The following DLG2 variants were observed in gnomAD, a reference collection of about 807,000 sequenced individuals.
The protein encoded by DLG2 is discs large MAGUK scaffold protein 2.
Under a neutral mutation model 132.5 loss-of-function variants are expected in DLG2, and 45 were observed. That is an observed-to-expected ratio of 0.34 (90% CI 0.27 to 0.44). DLG2 has a LOEUF of 0.44. DLG2 is among the 20% of genes least tolerant of loss of function. DLG2 has a pLI of 1.00. For synonymous variants in DLG2, 424 were observed against 419.6 expected, an observed-to-expected ratio of 1.01 and a Z score of -0.13; for missense variants, 1,045 against 1,196.9, an observed-to-expected ratio of 0.87 and a Z score of 1.87.
At chr11:85,004,228 T>C (rs1381318497) in intron 6 of DLG2, among the ~76,000 whole-genome samples, 2 of 152,244 alleles carry the variant, frequency 1.3e-5, no homozygotes, top group African/African-American at 4.8e-5. Context: ...CCTTTGGGTA[T>C]ATACCCAGTA....
intron 7 of DLG2, among the ~76,000 whole-genome samples, chr11:84,325,077 C>T (rs1173293687): frequency 6.6e-6 from 1 of 152,076 alleles, no homozygotes; most frequent in Non-Finnish European, 1.5e-5. Context: ...TGAGAGTGAA[C>T]ATCCTTGTTC....
At chr11:84,782,348 G>C (rs562378227) in intron 6 of DLG2, among the ~76,000 whole-genome samples, 1 of 151,964 alleles carries the variant, frequency 6.6e-6, no homozygotes, top group African/African-American at 2.4e-5. Context: ...TAACTTTGAG[G>C]ATTTAGTAAA....
chr11:83,572,184 C>G (rs1251475118), intron 19 of DLG2, among the ~76,000 whole-genome samples: 1 of 152,012 alleles, frequency 6.6e-6, no homozygotes, highest in East Asian at 1.9e-4. Flanking sequence ...AACCTTCACT[C>G]CAACTTACTA....
intron 4 of DLG2, among the ~76,000 whole-genome samples, chr11:85,273,561 T>C (rs1240944474): frequency 2.0e-5 from 3 of 152,140 alleles, no homozygotes; most frequent in Non-Finnish European, 4.4e-5. Flanking sequence ...TGAGATACCA[T>C]CTCACACCAG....
chr11:84,401,660 T>C (rs926089656), intron 7 of DLG2, among the ~76,000 whole-genome samples: 1 of 152,210 alleles, frequency 6.6e-6, no homozygotes, highest in African/African-American at 2.4e-5. Flanking sequence ...AGAGTTATTC[T>C]GGGTGGTGAC....
At chr11:85,559,071 T>G (rs568869858) in intron 3 of DLG2, among the ~76,000 whole-genome samples, 1 of 151,776 alleles carries the variant, frequency 6.6e-6, no homozygotes, top group African/African-American at 2.4e-5. Context: ...GGTGATGTTA[T>G]GAAATGAATT....
intron 5 of DLG2, among the ~76,000 whole-genome samples, chr11:85,115,197 C>A (rs1340748941): frequency 2.0e-5 from 3 of 151,782 alleles, no homozygotes; most frequent in African/African-American, 7.3e-5. Context: ...ATGAATGGTA[C>A]GTTAGGTATA....
intron 3 of DLG2, among the ~76,000 whole-genome samples, chr11:85,575,795 C>A (rs118049846): frequency 0.016 from 2,361 of 152,236 alleles, 26 homozygotes; most frequent in Middle Eastern, 0.054. Flanking sequence ...GATTACCCTT[C>A]CTGGCCCTAT....
intron 2 of DLG2, among the ~76,000 whole-genome samples, chr11:85,604,820 C>T (rs192683594): frequency 2.8e-3 from 427 of 152,196 alleles, no homozygotes; most frequent in Admixed American, 5.4e-3. Flanking sequence ...CTATATTGTA[C>T]ATGGTTTAAG....
At chr11:84,181,318 T>C (rs1473291544) in intron 8 of DLG2, among the ~76,000 whole-genome samples, 3 of 151,826 alleles carry the variant, frequency 2.0e-5, no homozygotes, top group Admixed American at 2.0e-4. Flanking sequence ...GTGCAAATTC[T>C]ATGGCAACCA....
intron 7 of DLG2, among the ~76,000 whole-genome samples, chr11:84,420,919 C>G (rs1377641036): frequency 6.6e-6 from 1 of 151,956 alleles, no homozygotes; most frequent in African/African-American, 2.4e-5. Context: ...CTGCCCGCCT[C>G]GGCCTCCCAA....
intron 7 of DLG2, among the ~76,000 whole-genome samples, chr11:84,532,117 A>ATTTTTTTTTTTTTT (rs67139617): frequency 2.2e-4 from 23 of 104,576 alleles, no homozygotes; most frequent in East Asian, 6.2e-4. Flanking sequence ...TGTTCTGTTC[A>ATTTTTTTTTTTTTT]TTTTTTTTTT....
intron 3 of DLG2, among the ~76,000 whole-genome samples, chr11:85,425,820 G>A (rs1362763378): frequency 6.6e-6 from 1 of 152,158 alleles, no homozygotes; most frequent in Admixed American, 6.6e-5. Context: ...CACCAAGCAA[G>A]AGCCGAAGCA....
chr11:85,359,733 C>T (rs1247086070), intron 3 of DLG2, among the ~76,000 whole-genome samples: 5 of 151,804 alleles, frequency 3.3e-5, no homozygotes, highest in African/African-American at 4.8e-5. Context: ...TAGGGGAGGG[C>T]GCAACAACGT....
intron 7 of DLG2, among the ~76,000 whole-genome samples, chr11:84,488,798 A>G (rs1260609695): frequency 6.6e-6 from 1 of 152,138 alleles, no homozygotes; most frequent in East Asian, 1.9e-4. Context: ...ACTAATAAAT[A>G]CTGTAGTTTA....
intron 3 of DLG2, among the ~76,000 whole-genome samples, chr11:85,502,318 G>A (rs1037626655): frequency 3.3e-5 from 5 of 151,900 alleles, no homozygotes; most frequent in African/African-American, 1.2e-4. Context: ...CCTACTGTAG[G>A]TGATGGGTTG....
intron 6 of DLG2, among the ~76,000 whole-genome samples, chr11:84,694,237 C>A (rs978820747): frequency 6.6e-6 from 1 of 151,496 alleles, no homozygotes; most frequent in Non-Finnish European, 1.5e-5. Context: ...GAAAATTATT[C>A]TCCTTAAGAG....
chr11:84,470,457 G>A (rs1409809084), intron 7 of DLG2, among the ~76,000 whole-genome samples: 1 of 151,728 alleles, frequency 6.6e-6, no homozygotes, highest in African/African-American at 2.4e-5. Flanking sequence ...GTATAATGGG[G>A]AAGAATGGCA....
At chr11:85,393,626 C>A (rs2087002121) in intron 3 of DLG2, among the ~76,000 whole-genome samples, 1 of 100,356 alleles carries the variant, frequency 1.0e-5, no homozygotes, top group Non-Finnish European at 2.1e-5. Flanking sequence ...ATATGGTATG[C>A]ATATGTGTGT....
Sources: gnomAD v4.1 joint callset for allele counts (sites outside exome capture counted in the v4.1 genomes callset) on GRCh38, gnomAD v4.1.1 for gene constraint, MANE v1.5 for transcripts, NCBI Gene and HGNC (gene_info 2026-07-23, HGNC 2026-07-21) for gene names.